Variants in OCA2 observed in about 807,000 individuals in gnomAD.
The protein encoded by OCA2 is OCA2 melanosomal transmembrane protein.
Under a neutral mutation model 100.2 loss-of-function variants are expected in OCA2, and 77 were observed. That is an observed-to-expected ratio of 0.77 (90% CI 0.64 to 0.93). The LOEUF (loss-of-function observed/expected upper bound fraction) is 0.93. Among genes scored for constraint, OCA2 ranks in the 40% least tolerant of loss-of-function variants. The pLI is 0.00. For synonymous variants in OCA2, 432 were observed against 439.2 expected, an observed-to-expected ratio of 0.98 and a Z score of 0.21; for missense variants, 1,062 against 1,089.1, an observed-to-expected ratio of 0.98 and a Z score of 0.35.
intron 21 of OCA2, among the ~76,000 whole-genome samples, chr15:27,851,935 C>T (rs535048823): frequency 6.6e-5 from 10 of 152,238 alleles, no homozygotes; most frequent in African/African-American, 2.4e-4. Context: ...GAAAGCAATC[C>T]AGCCGGAACT....
At chr15:27,841,445 C>G (rs2035338821) in intron 23 of OCA2, among the ~76,000 whole-genome samples, 1 of 152,204 alleles carries the variant, frequency 6.6e-6, no homozygotes, top group Non-Finnish European at 1.5e-5. Context: ...CCAGGGGTTT[C>G]TGCACAAAGG....
chr15:27,851,150 C>T (rs2035732685), intron 22 of OCA2, among the ~76,000 whole-genome samples: 1 of 152,186 alleles, frequency 6.6e-6, no homozygotes, highest in Non-Finnish European at 1.5e-5. Flanking sequence ...AGCATCAGAA[C>T]CAGTCATCCC....
rs768774777 is a variant in OCA2 at position 27,987,727 on chromosome 15, CA to C, written c.1183-1085del. 9.0e-3 allele frequency among the ~76,000 whole-genome samples: 1,324 copies of C among 146,980 alleles called. 22 individuals are homozygous for C. Among genetic ancestry groups the C allele is most frequent in the African/African-American group, 0.031 (1,229 of 40,138 alleles). ...CTGGAGACAGAGCGAGACTCTGTCT[CA>C]AAAAAAAAAGTCCGAACTTGAACAA... On this transcript the variant is annotated intron_variant, in intron 11 of 23. Transcript: ENST00000354638.
At chr15:27,997,011 GAGAA>G (rs1304708283) in intron 9 of OCA2, among the ~76,000 whole-genome samples, 12 of 121,752 alleles carry the variant, frequency 9.9e-5, no homozygotes, top group East Asian at 8.6e-4. Flanking sequence ...GAGAGAAAGA[GAGAA>G]AGAAAGAAAG....
chr15:27,997,233 G>A (rs910866099), intron 9 of OCA2, among the ~76,000 whole-genome samples: 4 of 109,240 alleles, frequency 3.7e-5, no homozygotes, highest in Admixed American at 8.9e-5. Flanking sequence ...AAGAAAGGAA[G>A]GAAGGAGGAA....
intron 19 of OCA2, among the ~76,000 whole-genome samples, chr15:27,901,539 T>C (rs913194090): frequency 2.0e-5 from 3 of 152,144 alleles, no homozygotes; most frequent in African/African-American, 7.2e-5. Context: ...ACCCATTCTT[T>C]CCCCAAACCT....
At chr15:27,828,590 C>T (rs985594459) in intron 23 of OCA2, among the ~76,000 whole-genome samples, 1 of 152,122 alleles carries the variant, frequency 6.6e-6, no homozygotes, top group Non-Finnish European at 1.5e-5. Flanking sequence ...TTGAGTGTAG[C>T]TAGAGAGTCC....
At chr15:28,059,389 A>T (rs879813323) in intron 2 of OCA2, among the ~76,000 whole-genome samples, 5 of 152,236 alleles carry the variant, frequency 3.3e-5, no homozygotes, top group Admixed American at 3.3e-4. Flanking sequence ...CATCAGAAGG[A>T]TAAGATAGGC....
chr15:27,836,646 T>C (rs770747087), intron 23 of OCA2, among the ~76,000 whole-genome samples: 46 of 152,320 alleles, frequency 3.0e-4, no homozygotes, highest in Non-Finnish European at 5.6e-4. Flanking sequence ...GTTTTGACCT[T>C]TGAGAAAATA....
chr15:28,064,670 G>T (rs1433045231), intron 2 of OCA2, among the ~76,000 whole-genome samples: 2 of 151,614 alleles, frequency 1.3e-5, no homozygotes, highest in African/African-American at 4.8e-5. Context: ...TTCATACGGT[G>T]TTTTTCTTAT....
intron 19 of OCA2, among the ~76,000 whole-genome samples, chr15:27,894,355 G>T (rs1431500102): frequency 6.6e-6 from 1 of 152,206 alleles, no homozygotes; most frequent in Non-Finnish European, 1.5e-5. Context: ...GCATAGCTAA[G>T]ATGCCAGGAC....
At chr15:28,020,628 T>C (rs1051428555) in intron 6 of OCA2, among the ~76,000 whole-genome samples, 25 of 152,322 alleles carry the variant, frequency 1.6e-4, no homozygotes, top group African/African-American at 5.8e-4. Flanking sequence ...GGCACAAGAA[T>C]GAGAAACAAA....
At chr15:28,087,136 G>C (rs563100632) in intron 1 of OCA2, among the ~76,000 whole-genome samples, 1 of 152,202 alleles carries the variant, frequency 6.6e-6, no homozygotes, top group East Asian at 1.9e-4. Context: ...AACATATATA[G>C]TGGGCAAAAT....
At chr15:28,051,213 C>T (rs2043501544) in intron 2 of OCA2, among the ~76,000 whole-genome samples, 1 of 152,260 alleles carries the variant, frequency 6.6e-6, no homozygotes, top group Non-Finnish European at 1.5e-5. Context: ...CCAGCACCAC[C>T]ACACTGTGCA....
At chr15:27,930,549 T>C (rs1595668490) in intron 18 of OCA2, among the ~76,000 whole-genome samples, 2 of 151,744 alleles carry the variant, frequency 1.3e-5, no homozygotes, top group African/African-American at 4.8e-5. Context: ...ATACTTTCTA[T>C]GACTGCTTTA....
chr15:28,094,541 AATAG>A (rs919616818), intron 1 of OCA2, among the ~76,000 whole-genome samples: 4 of 152,338 alleles, frequency 2.6e-5, no homozygotes, highest in Middle Eastern at 3.4e-3. Context: ...AGAAAGAAAA[AATAG>A]ATAGTTGTGG....
chr15:28,007,829 C>T (rs114189390), intron 9 of OCA2, among the ~76,000 whole-genome samples: 2,050 of 152,114 alleles, frequency 0.013, 42 homozygotes, highest in African/African-American at 0.047. Context: ...GTATAAATAA[C>T]CCAAGGTATT....
chr15:27,994,311 T>G (rs1566771998), intron 9 of OCA2, among the ~76,000 whole-genome samples: 1 of 152,144 alleles, frequency 6.6e-6, no homozygotes, highest in Non-Finnish European at 1.5e-5. Context: ...GTGGAACAGT[T>G]TCATCCCAAA....
intron 23 of OCA2, among the ~76,000 whole-genome samples, chr15:27,802,246 T>C (rs1325579984): frequency 6.6e-6 from 1 of 152,086 alleles, no homozygotes; most frequent in Non-Finnish European, 1.5e-5. Context: ...TGACAAAATA[T>C]GTGAAAGACT....
Sources: gnomAD v4.1 joint callset for allele counts (sites outside exome capture counted in the v4.1 genomes callset) on GRCh38, gnomAD v4.1.1 for gene constraint, MANE v1.5 for transcripts, NCBI Gene and HGNC (gene_info 2026-07-23, HGNC 2026-07-21) for gene names.